CNNM2: variants seen among roughly 807,000 people sequenced by gnomAD.
CNNM2 encodes the protein metal transporter CNNM2.
CNNM2 carries 12 observed loss-of-function variants against 66.9 expected under a neutral mutation model. The ratio of observed to expected loss-of-function variants is 0.18; its 90% CI spans 0.11 to 0.29. CNNM2 has a LOEUF of 0.29. Ranked by LOEUF, CNNM2 falls within the 10% of genes least tolerant of loss-of-function variation. The pLI is 1.00. For synonymous variants in CNNM2, 557 were observed against 501.8 expected (o/e 1.11, Z -1.47); for missense variants, 705 against 1,167.7 (o/e 0.60, Z 5.77).
At chr10:103,073,887 A>AT (rs2065643877) in intron 6 of CNNM2, among the ~76,000 whole-genome samples, 1 of 151,572 alleles carries the variant, frequency 6.6e-6, no homozygotes, top group Non-Finnish European at 1.5e-5. Context: ...AAAAAAAAAA[A>AT]AAAAAAAGAA....
At chr10:103,063,572 G>A (rs1045018059) in intron 4 of CNNM2, among the ~76,000 whole-genome samples, 2 of 152,212 alleles carry the variant, frequency 1.3e-5, no homozygotes, top group African/African-American at 4.8e-5. Flanking sequence ...GGGCTGTTGA[G>A]TAGGTTGTGG....
intron 1 of CNNM2, among the ~76,000 whole-genome samples, chr10:103,046,608 A>G (rs2065131024): frequency 1.3e-5 from 2 of 152,252 alleles, no homozygotes; most frequent in South Asian, 2.1e-4. Flanking sequence ...TTAAAGGACA[A>G]TAATCCATTG....
intron 1 of CNNM2, among the ~76,000 whole-genome samples, chr10:103,048,239 G>T (rs1308620462): frequency 7.3e-6 from 1 of 137,594 alleles, no homozygotes; most frequent in African/African-American, 2.7e-5. Context: ...TTTTGAGTGG[G>T]AGTCTCACTC....
intron 1 of CNNM2, among the ~76,000 whole-genome samples, chr10:102,986,043 G>C (rs948009202): frequency 6.6e-6 from 1 of 152,062 alleles, no homozygotes; most frequent in African/African-American, 2.4e-5. Flanking sequence ...TACCTGTTTT[G>C]GTTTATAGGG....
chr10:103,063,065 G>T (rs2065416050), intron 4 of CNNM2, among the ~76,000 whole-genome samples: 1 of 152,344 alleles, frequency 6.6e-6, no homozygotes, highest in South Asian at 2.1e-4. Flanking sequence ...GCCAAGGCGG[G>T]TGCTGGCACT....
chr10:103,070,943 G>T (rs76969075), intron 5 of CNNM2, among the ~76,000 whole-genome samples: 3 of 150,342 alleles, frequency 2.0e-5, no homozygotes, highest in Admixed American at 6.6e-5. Context: ...CTAAAAAAGC[G>T]GGGGGGGAAT....
intron 1 of CNNM2, among the ~76,000 whole-genome samples, chr10:102,968,598 G>T (rs1172212561): frequency 6.6e-6 from 1 of 151,714 alleles, no homozygotes; most frequent in African/African-American, 2.4e-5. Context: ...ATGCTACTGG[G>T]AGTGTAGTGC....
chr10:103,030,307 A>G (rs2064799216), intron 1 of CNNM2, among the ~76,000 whole-genome samples: 1 of 152,198 alleles, frequency 6.6e-6, no homozygotes, highest in Admixed American at 6.5e-5. Flanking sequence ...CTTTAATAAG[A>G]TTACTATGGC....
intron 1 of CNNM2, among the ~76,000 whole-genome samples, chr10:102,925,478 C>A (rs1011184756): frequency 1.3e-5 from 2 of 152,020 alleles, no homozygotes; most frequent in African/African-American, 2.4e-5. Context: ...GTCTAGTCAG[C>A]CCCTTGATTA....
At chr10:103,067,269 T>C (rs2065494908) in intron 4 of CNNM2, among the ~76,000 whole-genome samples, 1 of 151,996 alleles carries the variant, frequency 6.6e-6, no homozygotes, top group South Asian at 2.1e-4. Context: ...GGTCTTGCTG[T>C]GTTGCCCAGG....
chr10:102,925,980 A>G (rs1845845735), intron 1 of CNNM2, among the ~76,000 whole-genome samples: 1 of 152,206 alleles, frequency 6.6e-6, no homozygotes, highest in Non-Finnish European at 1.5e-5. Context: ...TATTTTGGAT[A>G]TCCTTTAATG....
chr10:102,932,242 G>T (rs1430014422), intron 1 of CNNM2, among the ~76,000 whole-genome samples: 2 of 151,678 alleles, frequency 1.3e-5, no homozygotes, highest in Non-Finnish European at 2.9e-5. Context: ...TGAGCAACGG[G>T]GTTTTGCTAT....
At position 102,919,234 on chromosome 10, in the gene CNNM2, C is replaced by T. The variant is rs1271151063; in HGVS notation, c.754C>T (p.Leu252=). 2 of 1,613,536 alleles carry T rather than the reference C, an allele frequency of 1.2e-6. No individual in the cohort carries two copies. Among genetic ancestry groups the T allele is most frequent in the Non-Finnish European group, 1.7e-6 (2 of 1,180,044 alleles). Residue 252 remains leucine, a synonymous_variant, in exon 1 of 8, where the codon CTG becomes TTG. Transcript: ENST00000369878. ...GATCGTAGGCGAAGAGAAGAAGTTC[C>T]TGCTGCCCTTCTGGCTGCAGGTGAT... ...KMIVGEEKKF[L]LPFWLQVIFI... is the part of the protein sequence containing the mutation.
chr10:102,956,138 A>G (rs1227857219), intron 1 of CNNM2, among the ~76,000 whole-genome samples: 1 of 152,148 alleles, frequency 6.6e-6, no homozygotes. Context: ...ATAGAAAAAA[A>G]TTAGCCGGGC....
chr10:102,950,403 G>A (rs1191660965), intron 1 of CNNM2, among the ~76,000 whole-genome samples: 4 of 152,136 alleles, frequency 2.6e-5, no homozygotes, highest in Non-Finnish European at 5.9e-5. Flanking sequence ...AACTGTGCAT[G>A]TATTTTTTAA....
In CNNM2 at chr10:103,047,127, G is replaced by A. The variant is rs12266291; in HGVS notation, c.1622-2580G>A. ...CTTAGTGATTTGTTTTCAAATAATA[G>A]AATTAAGGAAAGGGAAAAATGAGTA... is the stretch of plus-strand genomic sequence containing the variant. On this transcript the variant is annotated intron_variant, in intron 1 of 7. Coordinates refer to ENST00000369878, the MANE Select transcript of CNNM2 (RefSeq NM_017649.5). Among the ~76,000 whole-genome samples the A allele has an allele frequency of 0.1, 15,881 of 152,122 alleles. 844 individuals are homozygous for A. Among genetic ancestry groups the A allele is most frequent in the Middle Eastern group, 0.18 (52 of 294 alleles).
At chr10:103,028,376 T>C (rs1224912171) in intron 1 of CNNM2, among the ~76,000 whole-genome samples, 1 of 152,232 alleles carries the variant, frequency 6.6e-6, no homozygotes, top group East Asian at 1.9e-4. Context: ...GGTTTTCAGG[T>C]TGAATTCATG....
chr10:103,087,676 GACA>G lies in CNNM2; in HGVS notation c.*10500_*10502del, dbSNP rs1256898287. 1 of 152,124 alleles carries G rather than the reference GACA, an allele frequency of 6.6e-6. No individual in the cohort carries two copies. Among genetic ancestry groups the G allele is most frequent in the Non-Finnish European group, 1.5e-5 (1 of 68,008 alleles). The allele number at this position is 152,124 out of a possible 1,614,324, so 9.4% of individuals were successfully genotyped here. ...GAAAACTTAAGACTATGTTAAACTG[GACA>G]ACATCTCCATCTTGAGTGAGAGTAA... On this transcript the variant is annotated 3_prime_UTR_variant, in exon 8 of 8. Coordinates refer to ENST00000369878, the MANE Select transcript of CNNM2 (RefSeq NM_017649.5).
intron 1 of CNNM2, among the ~76,000 whole-genome samples, chr10:103,035,556 C>T (rs370123840): frequency 6.6e-6 from 1 of 152,156 alleles, no homozygotes; most frequent in Non-Finnish European, 1.5e-5. Flanking sequence ...ACTCTTCAGT[C>T]TCTGTTCTGT....
Sources: allele counts gnomAD v4.1 joint callset (sites outside exome capture counted in the v4.1 genomes callset), GRCh38; gene constraint gnomAD v4.1.1; transcripts MANE v1.5; gene names NCBI Gene and HGNC (gene_info 2026-07-23, HGNC 2026-07-21).